EPB41L1: variants seen among roughly 807,000 people sequenced by gnomAD.
EPB41L1 encodes erythrocyte membrane protein band 4.1 like 1.
A neutral mutation model predicts 97.8 loss-of-function variants in EPB41L1; 29 were observed. That is an observed-to-expected ratio of 0.30 (90% CI 0.22 to 0.40). EPB41L1 has a LOEUF of 0.40. Among genes scored for constraint, EPB41L1 ranks in the 10% least tolerant of loss-of-function variants. The pLI, the probability that EPB41L1 is intolerant of heterozygous loss-of-function variation, is 1.00. For missense variants in EPB41L1, 812 were observed against 1,162.3 expected (o/e 0.70, Z 4.38); for synonymous variants, 383 against 459.2 (o/e 0.83, Z 2.12).
chr20:36,193,072 C>T (rs1468113024), intron 11 of EPB41L1, among the ~76,000 whole-genome samples: 1 of 152,180 alleles, frequency 6.6e-6, no homozygotes, highest in Non-Finnish European at 1.5e-5. Flanking sequence ...GGGGTTTATG[C>T]AAAGGGAAAG....
At chr20:36,224,499 A>G (rs1247630808) in intron 21 of EPB41L1, among the ~76,000 whole-genome samples, 1 of 152,066 alleles carries the variant, frequency 6.6e-6, no homozygotes, top group East Asian at 1.9e-4. Context: ...ATACAAAATT[A>G]GGAGTGGGGG....
chr20:36,221,014 A>C (rs2063748481), intron 19 of EPB41L1, among the ~76,000 whole-genome samples: 1 of 152,208 alleles, frequency 6.6e-6, no homozygotes, highest in African/African-American at 2.4e-5. Flanking sequence ...TCTCAGCAAA[A>C]GCATTACTGA....
rs569410070 is a variant in EPB41L1, at chr20:36,216,879, C to T, written c.2269-1997C>T. On this transcript the variant is annotated intron_variant, in intron 17 of 21. Coordinates refer to ENST00000338074, the MANE Select transcript of EPB41L1 (RefSeq NM_012156.2). ...GAGGGGGGAAAGCACAGGATTTGGTCGTTGGTAGGATGTTCAGGGGACAAG... is the reference window on the plus strand; with the variant it reads ...GAGGGGGGAAAGCACAGGATTTGGTTGTTGGTAGGATGTTCAGGGGACAAG... Among the ~76,000 whole-genome samples the T allele has an allele frequency of 7.2e-5, 11 of 152,158 alleles. No homozygotes were observed. In the South Asian group the frequency reaches 8.3e-4, roughly 11 times the overall value.
At chr20:36,108,892 T>G (rs991055044) in intron 1 of EPB41L1, among the ~76,000 whole-genome samples, 8 of 151,818 alleles carry the variant, frequency 5.3e-5, no homozygotes, top group African/African-American at 1.9e-4. Flanking sequence ...GCCTTGCCCC[T>G]TGGTGGAATG....
chr20:36,230,844 G>C lies in EPB41L1; in HGVS notation c.*1504G>C, dbSNP rs917152446. On this transcript the variant is annotated 3_prime_UTR_variant, in exon 22 of 22. Transcript: ENST00000338074. ...ATAACCAACTCCATATCCAAAGGGA[G>C]GTGGTGCTCTCAGCCATTGTAGAAG... 1 of 151,910 alleles carries C rather than the reference G, an allele frequency of 6.6e-6. No individual in the cohort carries two copies. The highest frequency in any genetic ancestry group is 1.5e-5 in the Non-Finnish European group (1 of 68,036). 9.4% of individuals were successfully genotyped at this position (151,910 alleles called of 1,614,324 possible).
chr20:36,121,999 C>T (rs1404612266), intron 2 of EPB41L1, among the ~76,000 whole-genome samples: 1 of 152,188 alleles, frequency 6.6e-6, no homozygotes, highest in African/African-American at 2.4e-5. Flanking sequence ...CAGGTGTCAC[C>T]AAACTATGCT....
At chr20:36,178,594 C>T (rs370302058) in intron 4 of EPB41L1, 36 bp from the exon 5 acceptor site, 19 of 1,607,608 alleles carry the variant, frequency 1.2e-5, no homozygotes, top group African/African-American at 8.0e-5. Context: ...TCCTTTCCTG[C>T]GTCTTCCCTC....
At position 36,206,404 on chromosome 20, in the gene EPB41L1, C is replaced by G. The variant is rs1331943865; in HGVS notation, c.1669-3084C>G. 3 of 1,289,934 alleles carry G rather than the reference C, an allele frequency of 2.3e-6. No homozygotes were observed. The East Asian group carries it at 1.7e-4, about 72-fold the overall frequency. 79.9% of individuals were successfully genotyped at this position (1,289,934 alleles called of 1,614,324 possible). A position where few individuals can be genotyped will look rare whatever the true frequency, so the allele number is the denominator to read the frequency against. ...AGGACTCCAGTCGTTTCTATTGGATCCAGCCCACGCAGAAGCCAGAGCTGA... is the reference window on the plus strand; with the variant it reads ...AGGACTCCAGTCGTTTCTATTGGATGCAGCCCACGCAGAAGCCAGAGCTGA... On this transcript the variant is annotated intron_variant, in intron 14 of 21. Coordinates refer to ENST00000338074, the MANE Select transcript of EPB41L1 (RefSeq NM_012156.2). The surrounding 1 kb of genome is among the most constrained non-coding windows in gnomAD (Gnocchi z 5.5).
upstream of EPB41L1, among the ~76,000 whole-genome samples, chr20:36,153,987 A>T (rs1293411546): frequency 1.3e-5 from 2 of 152,124 alleles, no homozygotes; most frequent in African/African-American, 4.8e-5. Context: ...CTGTGCTCAG[A>T]CACATACAGC....
At chr20:36,111,367 T>C (rs1336587940) in intron 1 of EPB41L1, among the ~76,000 whole-genome samples, 2 of 152,170 alleles carry the variant, frequency 1.3e-5, no homozygotes, top group African/African-American at 4.8e-5. Context: ...CTGTAGCTTC[T>C]CCCTCCAAGT....
At chr20:36,204,390 T>C (rs2062673065) in intron 14 of EPB41L1, among the ~76,000 whole-genome samples, 1 of 149,764 alleles carries the variant, frequency 6.7e-6, no homozygotes, top group South Asian at 2.1e-4. Flanking sequence ...AAGTCCATCA[T>C]CCCTCCCAGG....
chr20:36,130,463 C>T (rs945739760), intron 2 of EPB41L1, among the ~76,000 whole-genome samples: 4 of 152,166 alleles, frequency 2.6e-5, no homozygotes, highest in East Asian at 1.9e-4. Flanking sequence ...AGCTGCCTTC[C>T]GTGTCGTTAC....
At chr20:36,168,518 T>C (rs2060833662) in intron 1 of EPB41L1, among the ~76,000 whole-genome samples, 1 of 151,666 alleles carries the variant, frequency 6.6e-6, no homozygotes, top group African/African-American at 2.4e-5. Flanking sequence ...TTTTATTGGG[T>C]GTATACCATG....
chr20:36,154,041 C>T (rs1353283995), upstream of EPB41L1, among the ~76,000 whole-genome samples: 6 of 152,226 alleles, frequency 3.9e-5, no homozygotes, highest in Non-Finnish European at 8.8e-5. This position sits in a 1 kb window ranked among gnomAD's most constrained non-coding sequence, Gnocchi z 5.5. Context: ...GGTCCCTGGG[C>T]TCTCACTGTT....
At chr20:36,150,357 C>T (rs1369713800), upstream of EPB41L1, 1 of 152,186 alleles carries the variant, frequency 6.6e-6, no homozygotes, top group Non-Finnish European at 1.5e-5. Context: ...AGGTGTGAGC[C>T]ATGCCCGAGA....
At chr20:36,131,100 C>T (rs1413592176) in intron 2 of EPB41L1, among the ~76,000 whole-genome samples, 10 of 151,952 alleles carry the variant, frequency 6.6e-5, no homozygotes, top group Admixed American at 4.6e-4. Context: ...CTCAGCCTCC[C>T]GAGTAGCTGG....
intron 4 of EPB41L1, 103 bp from the exon 5 acceptor site, chr20:36,178,527 T>C: frequency 8.3e-7 from 1 of 1,209,490 alleles, no homozygotes. Flanking sequence ...GGGCGTTCCC[T>C]ACAAGGGGCT....
intron 16 of EPB41L1, among the ~76,000 whole-genome samples, chr20:36,213,878 T>C (rs933846004): frequency 2.0e-5 from 3 of 152,234 alleles, no homozygotes; most frequent in African/African-American, 7.2e-5. Flanking sequence ...TTAGTAATTA[T>C]TTTGGAGATC....
At chr20:36,226,215 G>A (rs2147182560) in intron 21 of EPB41L1, among the ~76,000 whole-genome samples, 2 of 152,336 alleles carry the variant, frequency 1.3e-5, no homozygotes, top group Middle Eastern at 3.4e-3. Flanking sequence ...GGTACCCCAA[G>A]GAAGAGCTCT....
Sources: gnomAD v4.1 joint callset for allele counts (sites outside exome capture counted in the v4.1 genomes callset) on GRCh38, gnomAD v4.1.1 for gene constraint, Gnocchi (gnomAD v3.1) non-coding constraint, MANE v1.5 for transcripts, NCBI Gene and HGNC (gene_info 2026-07-23, HGNC 2026-07-21) for gene names.